Variants in MGAT4A observed in about 807,000 individuals in gnomAD.
MGAT4A encodes N-acetylglucosaminyltransferase IVa.
In MGAT4A, 33 loss-of-function variants were observed where a neutral mutation model predicts 74.1. The observed-to-expected ratio is 0.45, with a 90% CI of 0.34 to 0.60. The LOEUF (loss-of-function observed/expected upper bound fraction) is 0.60, where lower values mean the gene tolerates loss of function less well. Among genes scored for constraint, MGAT4A ranks in the 20% least tolerant of loss-of-function variants. The pLI is 0.02. For synonymous variants in MGAT4A, 198 were observed against 210.4 expected (o/e 0.94, Z 0.51); for missense variants, 479 against 628.3 (o/e 0.76, Z 2.54).
intron 2 of MGAT4A, among the ~76,000 whole-genome samples, chr2:98,701,358 C>A (rs1702353103): frequency 6.6e-6 from 1 of 152,182 alleles, no homozygotes; most frequent in Non-Finnish European, 1.5e-5. Context: ...CACAATGGGT[C>A]TAGAACTGGA....
At chr2:98,713,878 A>T (rs1702553392) in intron 2 of MGAT4A, among the ~76,000 whole-genome samples, 2 of 152,266 alleles carry the variant, frequency 1.3e-5, no homozygotes, top group Admixed American at 6.5e-5. Flanking sequence ...TAAATAACAT[A>T]ACCACACGGA....
intron 2 of MGAT4A, among the ~76,000 whole-genome samples, chr2:98,684,871 CTCTT>C (rs1702107820): frequency 1.3e-5 from 2 of 152,268 alleles, no homozygotes; most frequent in South Asian, 4.1e-4. Flanking sequence ...GTTAAACCCA[CTCTT>C]TATTTCTTAA....
At chr2:98,708,257 C>T (rs1329064441) in intron 2 of MGAT4A, among the ~76,000 whole-genome samples, 8 of 151,902 alleles carry the variant, frequency 5.3e-5, no homozygotes, top group Non-Finnish European at 8.8e-5. Flanking sequence ...CGTGAGCCAC[C>T]GCACCCCGCC....
At chr2:98,725,861 C>T (rs1405967932) in intron 2 of MGAT4A, 1 of 290,652 alleles carries the variant, frequency 3.4e-6, no homozygotes, top group Non-Finnish European at 6.3e-6. Context: ...CTAATTGTGT[C>T]CTTTTAAGTG....
Position 98,697,314 on chromosome 2 carries a change from C to T in MGAT4A, c.95-18843G>A, listed in dbSNP as rs926757104. On this transcript the variant is annotated intron_variant, in intron 2 of 15. Coordinates refer to ENST00000393487, the MANE Select transcript of MGAT4A (RefSeq NM_012214.3). ...TTCCAATCTCTCACACACTGTATGACTCCATTTATAATAACATTTCCAAAA... is the reference window on the plus strand; with the variant it reads ...TTCCAATCTCTCACACACTGTATGATTCCATTTATAATAACATTTCCAAAA... Among the ~76,000 whole-genome samples the T allele has an allele frequency of 5.3e-5, 8 of 152,260 alleles. No homozygotes were observed. In the East Asian group the frequency reaches 1.5e-3, roughly 29 times the overall value.
chr2:98,656,199 A>T, intron 7 of MGAT4A, 153 bp downstream of exon 7: 1 of 599,932 alleles, frequency 1.7e-6, no homozygotes, highest in Non-Finnish European at 2.9e-6. Flanking sequence ...AAAACTCTAC[A>T]TTATTTCCAA....
intron 2 of MGAT4A, among the ~76,000 whole-genome samples, chr2:98,713,207 A>G (rs1466831108): frequency 3.5e-5 from 5 of 143,404 alleles, no homozygotes; most frequent in African/African-American, 1.4e-4. Flanking sequence ...AAAAAAAAAA[A>G]AAGCCGTTTA....
At chr2:98,716,346 G>A (rs1487835572) in intron 2 of MGAT4A, among the ~76,000 whole-genome samples, 1 of 152,098 alleles carries the variant, frequency 6.6e-6, no homozygotes, top group East Asian at 1.9e-4. Context: ...AGCTGGGCGT[G>A]GTGGCTCACG....
In MGAT4A at chr2:98,726,256, G is replaced by A. The variant is rs1219272341; in HGVS notation, c.77C>T (p.Thr26Ile). Residue 26 changes from threonine to isoleucine, a missense_variant, in exon 2 of 16, where the codon ACA becomes ATA. Physicochemically the swap from Thr to Ile is moderately conservative, Grantham distance 89. This residue lies in a region of MGAT4A where 205 missense variants were observed against 232.7 expected (regional missense o/e 0.88). Transcript: ENST00000393487. ...TSFLTLSWYT[T>I]WQNGKEKLIA... is the part of the protein sequence containing the mutation. ...TTCCTTACCTTTCCCATTTTGCCAT[G>A]TAGTATACCAAGACAAAGTAAGGAA... 1.2e-6 allele frequency: 2 copies of A among 1,613,526 alleles called. No homozygotes were observed. Among genetic ancestry groups the A allele is most frequent in the Non-Finnish European group, 1.7e-6 (2 of 1,179,640 alleles).
intron 2 of MGAT4A, among the ~76,000 whole-genome samples, chr2:98,724,762 A>G (rs1702735980): frequency 1.3e-5 from 2 of 152,038 alleles, no homozygotes; most frequent in South Asian, 4.1e-4. Context: ...CTCCACTACT[A>G]TAATTCTCTG....
intron 4 of MGAT4A, among the ~76,000 whole-genome samples, chr2:98,665,354 T>C (rs1420771500): frequency 8.5e-6 from 1 of 118,006 alleles, no homozygotes; most frequent in Non-Finnish European, 1.8e-5. Context: ...AAAAAAAGAA[T>C]TCTAATGCCA....
intron 2 of MGAT4A, among the ~76,000 whole-genome samples, chr2:98,698,098 T>C (rs1220972797): frequency 2.0e-5 from 3 of 152,214 alleles, no homozygotes; most frequent in African/African-American, 7.2e-5. Flanking sequence ...ATGATTCAAG[T>C]GCAGAAGAAC....
At chr2:98,657,356 C>T (rs1258546716) in intron 6 of MGAT4A, among the ~76,000 whole-genome samples, 1 of 152,202 alleles carries the variant, frequency 6.6e-6, no homozygotes, top group African/African-American at 2.4e-5. Context: ...CATAAGCCCA[C>T]AGACTTGCCC....
At chr2:98,647,787 C>T (rs1701516746) in intron 8 of MGAT4A, among the ~76,000 whole-genome samples, 2 of 152,240 alleles carry the variant, frequency 1.3e-5, no homozygotes, top group Non-Finnish European at 2.9e-5. Flanking sequence ...CCATTCCAAG[C>T]CACAGCATCT....
chr2:98,711,235 G>T (rs1702514325), intron 2 of MGAT4A, among the ~76,000 whole-genome samples: 1 of 146,376 alleles, frequency 6.8e-6, no homozygotes, highest in Non-Finnish European at 1.5e-5. Context: ...AGCTCAAAAG[G>T]CCTCATTAAA....
At position 98,691,662 on chromosome 2, in the gene MGAT4A, C is replaced by T. The variant is rs911985325; in HGVS notation, c.95-13191G>A. Among the ~76,000 whole-genome samples the T allele has an allele frequency of 3.3e-5, 5 of 152,292 alleles. No individual in the cohort carries two copies. In the East Asian group the frequency reaches 9.6e-4, roughly 29 times the overall value. On this transcript the variant is annotated intron_variant, in intron 2 of 15. Coordinates refer to ENST00000393487, the MANE Select transcript of MGAT4A (RefSeq NM_012214.3). ...GTTACTGGTTTATGTATTTACTATA[C>T]TATGCTTTTTATTGTTCTTTTAGAG... is the stretch of plus-strand genomic sequence containing the variant.
chr2:98,630,516 G>C (rs1414810886), intron 14 of MGAT4A, among the ~76,000 whole-genome samples: 1 of 152,096 alleles, frequency 6.6e-6, no homozygotes, highest in East Asian at 1.9e-4. Context: ...GAAGCTATTA[G>C]GGACGGACAG....
intron 8 of MGAT4A, among the ~76,000 whole-genome samples, chr2:98,652,191 A>T (rs1701588741): frequency 6.6e-6 from 1 of 152,190 alleles, no homozygotes; most frequent in African/African-American, 2.4e-5. Context: ...TCGGACTTAA[A>T]CAACACTATA....
rs1701055300 is a variant in MGAT4A, at chr2:98,621,092, T to C, written c.*4474A>G. 4.7e-6 allele frequency: 1 copy of C among 210,734 alleles called. No homozygotes were observed. The highest frequency in any genetic ancestry group is 1.6e-4 in the South Asian group (1 of 6,410). The allele number at this position is 210,734 out of a possible 1,614,324, so 13.1% of individuals were successfully genotyped here. A position where few individuals can be genotyped will look rare whatever the true frequency, so the allele number is the denominator to read the frequency against. ...TTCCTCTTTACCTCTTTTAAAATAC[T>C]GTATTCATTTCCTATTCCTACATAA... On this transcript the variant is annotated 3_prime_UTR_variant, in exon 16 of 16. Coordinates refer to ENST00000393487, the MANE Select transcript of MGAT4A (RefSeq NM_012214.3).
Sources: allele counts gnomAD v4.1 joint callset (sites outside exome capture counted in the v4.1 genomes callset), GRCh38; gene constraint gnomAD v4.1.1; regional missense constraint gnomAD v4.1.1; transcripts MANE v1.5; gene names NCBI Gene and HGNC (gene_info 2026-07-23, HGNC 2026-07-21).